The following ABCA13 variants were observed in gnomAD, a reference collection of about 807,000 sequenced individuals.
The protein encoded by ABCA13 is ATP-binding cassette sub-family A member 13.
In ABCA13, 476 loss-of-function variants were observed where a neutral mutation model predicts 478.7. That is an observed-to-expected ratio of 0.99 (90% CI 0.92 to 1.07). ABCA13 has a LOEUF of 1.07. Among genes scored for constraint, ABCA13 ranks in the 50% least tolerant of loss-of-function variants. ABCA13 has a pLI of 0.00. For missense variants in ABCA13, 6,060 were observed against 5,910.6 expected (o/e 1.03, Z -0.83); for synonymous variants, 2,252 against 2,158.9 (o/e 1.04, Z -1.20).
At chr7:48,532,015 G>C (rs61649354) in intron 55 of ABCA13, among the ~76,000 whole-genome samples, 1 of 151,756 alleles carries the variant, frequency 6.6e-6, no homozygotes, top group East Asian at 1.9e-4. Flanking sequence ...GATTGCTCTG[G>C]CTAGGACTTC....
At chr7:48,571,797 C>T (rs557100763) in intron 55 of ABCA13, among the ~76,000 whole-genome samples, 2 of 152,208 alleles carry the variant, frequency 1.3e-5, no homozygotes, top group Non-Finnish European at 2.9e-5. Context: ...CACTGGCCAG[C>T]ACTGGCATTA....
intron 1 of ABCA13, among the ~76,000 whole-genome samples, chr7:48,186,311 T>A (rs186058181): frequency 1.3e-5 from 2 of 152,242 alleles, no homozygotes; most frequent in Non-Finnish European, 2.9e-5. Flanking sequence ...AGATTGTTTT[T>A]CTGGGTATAC....
intron 27 of ABCA13, among the ~76,000 whole-genome samples, chr7:48,325,599 G>C (rs1804202230): frequency 6.6e-6 from 1 of 152,070 alleles, no homozygotes. Flanking sequence ...CCTGAGTGCA[G>C]TGTCCATTTT....
intron 15 of ABCA13, among the ~76,000 whole-genome samples, chr7:48,259,446 T>A (rs1323782862): frequency 6.6e-6 from 1 of 152,132 alleles, no homozygotes; most frequent in Non-Finnish European, 1.5e-5. Flanking sequence ...TGCTTTCCAT[T>A]TGCTTGGTAG....
intron 55 of ABCA13, among the ~76,000 whole-genome samples, chr7:48,531,230 A>G (rs760168722): frequency 2.6e-5 from 4 of 152,102 alleles, no homozygotes; most frequent in Non-Finnish European, 5.9e-5. Context: ...TCCCTGCACC[A>G]TTTGTTGAAT....
chr7:48,508,100 A>G lies in ABCA13; in HGVS notation c.13524+51A>G, dbSNP rs1563369156. 4 of 1,611,576 alleles carry G rather than the reference A, an allele frequency of 2.5e-6. No individual in the cohort carries two copies. The African/African-American group carries it at 4.0e-5, about 16-fold the overall frequency. On this transcript the variant is annotated intron_variant, in intron 50 of 61. Transcript: ENST00000435803. Reference sequence around the variant, plus strand: ...GTGCCTCCACAATAGTGATCTAAATAGTGCGTGTATGGAGGGATGGAGGGG... The same window carrying G: ...GTGCCTCCACAATAGTGATCTAAATGGTGCGTGTATGGAGGGATGGAGGGG...
intron 45 of ABCA13, among the ~76,000 whole-genome samples, chr7:48,478,863 A>G (rs1291744769): frequency 6.6e-6 from 1 of 151,946 alleles, no homozygotes; most frequent in Non-Finnish European, 1.5e-5. Flanking sequence ...TGAAAGCACC[A>G]CATTTTGGGG....
Position 48,570,319 on chromosome 7 carries a change from C to CTTTTTTTTT in ABCA13, c.14355-9890_14355-9882dup, listed in dbSNP as rs35693419. 4.2e-4 allele frequency among the ~76,000 whole-genome samples: 37 copies of CTTTTTTTTT among 88,212 alleles called. 3 individuals are homozygous for CTTTTTTTTT. Among genetic ancestry groups the CTTTTTTTTT allele is most frequent in the African/African-American group, 6.0e-4 (12 of 20,010 alleles). The allele number at this position is 88,212 out of a possible 152,430, so 57.9% of individuals were successfully genotyped here. On this transcript the variant is annotated intron_variant, in intron 55 of 61. Transcript: ENST00000435803. The stretch of plus-strand genomic sequence containing the variant: ...TTCATTGTATATCTTTTTGCATCCT[C>CTTTTTTTTT]TTTTTTTTTTTTTTTTTTTTTTTGA...
intron 39 of ABCA13, among the ~76,000 whole-genome samples, chr7:48,409,416 T>C (rs887968451): frequency 1.3e-5 from 2 of 152,192 alleles, no homozygotes; most frequent in Non-Finnish European, 1.5e-5. Context: ...GAATTTAATA[T>C]TGGTTTCTGC....
intron 43 of ABCA13, among the ~76,000 whole-genome samples, chr7:48,460,458 C>T (rs145053564): frequency 2.2e-4 from 34 of 152,254 alleles, no homozygotes; most frequent in Middle Eastern, 3.4e-3. Flanking sequence ...GTCTCAGCCT[C>T]CTGTCTTCAT....
intron 55 of ABCA13, among the ~76,000 whole-genome samples, chr7:48,570,471 C>T (rs1304162463): frequency 6.6e-6 from 1 of 151,728 alleles, no homozygotes; most frequent in Admixed American, 6.6e-5. Flanking sequence ...ACTACAGGCG[C>T]CTGCCACCAC....
At position 48,227,287 on chromosome 7, in the gene ABCA13, T is replaced by A. The variant is rs1788357500; in HGVS notation, c.494T>A (p.Val165Glu). Residue 165 changes from valine to glutamate, a missense_variant, in exon 6 of 62, where the codon GTA becomes GAA. Val to Glu is a moderately radical substitution (Grantham distance 121, BLOSUM62 -2). Around this residue, in one of 3 missense-constraint regions of ABCA13, gnomAD observed 4,423 missense variants for 4,309.1 expected, o/e 1.03. Coordinates refer to ENST00000435803, the MANE Select transcript of ABCA13 (RefSeq NM_152701.5). The stretch of plus-strand genomic sequence containing the variant: ...ATGGATCTCAATAAGACCGAGGAGG[T>A]AATATTGAAACTGGAAAGCCTCCAT... ...FTMDLNKTEE[V>E]ILKLESLHQQ... is the part of the protein sequence containing the mutation. The A allele has an allele frequency of 6.2e-7, 1 of 1,613,370 alleles. No individual in the cohort carries two copies. The highest frequency in any genetic ancestry group is 1.3e-5 in the African/African-American group (1 of 74,778).
intron 29 of ABCA13, among the ~76,000 whole-genome samples, chr7:48,350,413 TC>T (rs1196361018): frequency 6.6e-6 from 1 of 152,194 alleles, no homozygotes; most frequent in African/African-American, 2.4e-5. Flanking sequence ...TGTTTTTTTT[TC>T]ATGTACATGT....
At chr7:48,558,177 T>G (rs143803382) in intron 55 of ABCA13, among the ~76,000 whole-genome samples, 4 of 97,952 alleles carry the variant, frequency 4.1e-5, no homozygotes, top group African/African-American at 1.7e-4. Context: ...CTCCCTCCCT[T>G]CCTCCCTTCC....
intron 31 of ABCA13, among the ~76,000 whole-genome samples, chr7:48,366,626 G>C (rs1231566827): frequency 6.6e-6 from 1 of 152,048 alleles, no homozygotes; most frequent in Admixed American, 6.6e-5. Flanking sequence ...AAGGGGAAGA[G>C]GGTGTGCGCT....
At chr7:48,426,729 T>C (rs1331790703) in intron 41 of ABCA13, among the ~76,000 whole-genome samples, 1 of 152,128 alleles carries the variant, frequency 6.6e-6, no homozygotes. Context: ...CAATGCACAG[T>C]GCCTAGCTTT....
chr7:48,513,295 G>A (rs1471987073), intron 51 of ABCA13, among the ~76,000 whole-genome samples: 1 of 152,194 alleles, frequency 6.6e-6, no homozygotes, highest in Non-Finnish European at 1.5e-5. Context: ...ATAAGGGATA[G>A]TATACACGAA....
chr7:48,593,532 A>G (rs1424676872), intron 57 of ABCA13, among the ~76,000 whole-genome samples: 1 of 152,070 alleles, frequency 6.6e-6, no homozygotes, highest in Non-Finnish European at 1.5e-5. Context: ...TATTACCATT[A>G]TAAGTGATTT....
intron 58 of ABCA13, among the ~76,000 whole-genome samples, chr7:48,607,323 C>T (rs114637795): frequency 1.3e-5 from 2 of 152,200 alleles, no homozygotes; most frequent in African/African-American, 4.8e-5. Context: ...TGCACTTCCA[C>T]GGTTGAGGCA....
Sources: gnomAD v4.1 joint callset for allele counts (sites outside exome capture counted in the v4.1 genomes callset) on GRCh38, gnomAD v4.1.1 for gene constraint, gnomAD v4.1.1 regional missense constraint, MANE v1.5 for transcripts, NCBI Gene and HGNC (gene_info 2026-07-23, HGNC 2026-07-21) for gene names.